The following ABI3BP variants were observed in gnomAD, a reference collection of about 807,000 sequenced individuals.
ABI3BP encodes target of Nesh-SH3.
In ABI3BP, 216 loss-of-function variants were observed where a neutral mutation model predicts 268.6. The ratio of observed to expected loss-of-function variants is 0.80; its 90% CI spans 0.72 to 0.90. ABI3BP has a LOEUF of 0.90. Among genes scored for constraint, ABI3BP ranks in the 40% least tolerant of loss-of-function variants. The probability of loss-of-function intolerance (pLI) is 0.00; values close to 1 mark genes in which losing one functional copy is unlikely to be tolerated. For missense variants in ABI3BP, 2,090 were observed against 2,182.4 expected (o/e 0.96, Z 0.84); for synonymous variants, 730 against 730.0 (o/e 1.00, Z 0.00).
chr3:100,763,282 G>T (rs1451455728), intron 63 of ABI3BP, among the ~76,000 whole-genome samples: 2 of 151,950 alleles, frequency 1.3e-5, no homozygotes, highest in African/African-American at 4.8e-5. Context: ...CCAACGTGGA[G>T]AAACCCCATC....
At chr3:100,787,684 A>ATAT (rs1224457161) in intron 57 of ABI3BP, 44 bp downstream of exon 57, 1 of 1,410,062 alleles carries the variant, frequency 7.1e-7, no homozygotes. Context: ...AATAACACTT[A>ATAT]TAGTTTTGAC....
chr3:100,790,491 T>G (rs1036939590), intron 55 of ABI3BP, among the ~76,000 whole-genome samples: 2 of 152,036 alleles, frequency 1.3e-5, no homozygotes, highest in Non-Finnish European at 2.9e-5. Flanking sequence ...ATGCCTTGCC[T>G]ACTAAGTTAA....
Position 100,860,960 on chromosome 3 carries a change from G to A in ABI3BP, c.1285+1351C>T, listed in dbSNP as rs187394910. On this transcript the variant is annotated intron_variant, in intron 14 of 67. Transcript: ENST00000471714. ...CTAGTTGTTGCATCATAATTACAAT[G>A]CAGCTGCACCTGGGTGATGGCTACT... Among the ~76,000 whole-genome samples the A allele has an allele frequency of 3.9e-5, 6 of 152,266 alleles. No individual in the cohort carries two copies. In the East Asian group the frequency reaches 1.2e-3, roughly 29 times the overall value.
rs2095227687 is a variant in ABI3BP, at chr3:100,749,878, A to T, written c.*617T>A. 1 of 395,638 alleles carries T rather than the reference A, an allele frequency of 2.5e-6. No homozygotes were observed. The highest frequency in any genetic ancestry group is 4.5e-6 in the Non-Finnish European group (1 of 224,612). 24.5% of individuals were successfully genotyped at this position (395,638 alleles called of 1,614,324 possible). A position where few individuals can be genotyped will look rare whatever the true frequency, so the allele number is the denominator to read the frequency against. ...GAAATTTACTGATTCAATCTTTTTA[A>T]GAATTTGTGGATGTTTAAAGGAAAT... On this transcript the variant is annotated 3_prime_UTR_variant, in exon 68 of 68. Transcript: ENST00000471714.
intron 58 of ABI3BP, chr3:100,778,596 G>GA (rs2150213552): frequency 1.9e-6 from 1 of 525,530 alleles, no homozygotes; most frequent in East Asian, 3.2e-5. Flanking sequence ...GTAGTATATA[G>GA]AAAACATGTC....
intron 50 of ABI3BP, among the ~76,000 whole-genome samples, 189 bp downstream of exon 50, chr3:100,807,972 A>G (rs2097760207): frequency 6.6e-6 from 1 of 152,022 alleles, no homozygotes; most frequent in East Asian, 1.9e-4. Flanking sequence ...TTGTGGAATA[A>G]GCTCTTCCAA....
chr3:100,871,804 C>A (rs780201514), intron 9 of ABI3BP, among the ~76,000 whole-genome samples: 1 of 152,090 alleles, frequency 6.6e-6, no homozygotes, highest in Non-Finnish European at 1.5e-5. Context: ...AAGAAATTCT[C>A]CATGTGTTAA....
chr3:100,843,742 C>T (rs2098736565), intron 20 of ABI3BP: 5 of 982,280 alleles, frequency 5.1e-6, no homozygotes, highest in Non-Finnish European at 6.0e-6. Context: ...ACATGAAATA[C>T]AATAAATATC....
intron 63 of ABI3BP, among the ~76,000 whole-genome samples, chr3:100,761,424 C>CCACCTTTGGAGCTGCACCCAGCTG (rs1370180305): frequency 6.6e-6 from 1 of 152,210 alleles, no homozygotes; most frequent in Non-Finnish European, 1.5e-5. Flanking sequence ...CCCCTTAAGG[C>CCACCTTTGGAGCTGCACCCAGCTG]CACCTTTGGA....
At chr3:100,983,873 T>C (rs1393098390) in intron 1 of ABI3BP, among the ~76,000 whole-genome samples, 3 of 152,218 alleles carry the variant, frequency 2.0e-5, no homozygotes, top group African/African-American at 7.2e-5. Context: ...ATTTTACACA[T>C]TTACTTATTT....
At chr3:100,786,667 G>A (rs922987279) in intron 57 of ABI3BP, among the ~76,000 whole-genome samples, 24 of 152,162 alleles carry the variant, frequency 1.6e-4, no homozygotes, top group Non-Finnish European at 3.4e-4. Flanking sequence ...AAGGATCTGA[G>A]AGAAGGTGGC....
intron 62 of ABI3BP, among the ~76,000 whole-genome samples, chr3:100,769,789 C>T (rs1314493403): frequency 6.6e-6 from 1 of 152,176 alleles, no homozygotes; most frequent in African/African-American, 2.4e-5. Flanking sequence ...GCAGTGGGTT[C>T]TTTCTCAAAA....
chr3:100,913,262 T>C (rs532844495), intron 2 of ABI3BP, among the ~76,000 whole-genome samples: 1 of 152,230 alleles, frequency 6.6e-6, no homozygotes, highest in South Asian at 2.1e-4. Flanking sequence ...GTAGTCCACA[T>C]CCACCCTGAA....
rs1439536293 is a variant in ABI3BP, at chr3:100,787,681, CTT to C, written c.4162+45_4162+46del. On this transcript the variant is annotated intron_variant, in intron 57 of 67. Transcript: ENST00000471714. The stretch of plus-strand genomic sequence containing the variant: ...GCAATATCATGAAAATTAAATAACA[CTT>C]ATAGTTTTGACAGGATAAAAAGGAA... The C allele has an allele frequency of 1.8e-5, 25 of 1,406,154 alleles. No individual in the cohort carries two copies. In the East Asian group the frequency reaches 6.0e-4, roughly 34 times the overall value. The allele number at this position is 1,406,154 out of a possible 1,614,324, so 87.1% of individuals were successfully genotyped here. A position where few individuals can be genotyped will look rare whatever the true frequency, so the allele number is the denominator to read the frequency against.
At chr3:100,922,956 C>T (rs945729559) in intron 2 of ABI3BP, among the ~76,000 whole-genome samples, 1 of 152,112 alleles carries the variant, frequency 6.6e-6, no homozygotes, top group African/African-American at 2.4e-5. Context: ...TAACATTTAA[C>T]TTGGAACAAA....
At chr3:100,903,104 T>C (rs2051280732) in intron 2 of ABI3BP, among the ~76,000 whole-genome samples, 1 of 152,208 alleles carries the variant, frequency 6.6e-6, no homozygotes, top group Admixed American at 6.5e-5. Context: ...GCCTCACCTG[T>C]ATGAGCTAAA....
chr3:100,786,411 T>C (rs1279785039), intron 57 of ABI3BP, among the ~76,000 whole-genome samples: 1 of 152,158 alleles, frequency 6.6e-6, no homozygotes, highest in African/African-American at 2.4e-5. Flanking sequence ...ACAAGTGGGC[T>C]TTGGAAGAAT....
At chr3:100,968,623 C>G (rs1406832992) in intron 1 of ABI3BP, among the ~76,000 whole-genome samples, 4 of 152,134 alleles carry the variant, frequency 2.6e-5, no homozygotes, top group Admixed American at 6.5e-5. Context: ...TTATTTGGGG[C>G]TCTCTTAAGT....
intron 1 of ABI3BP, among the ~76,000 whole-genome samples, chr3:100,956,984 T>C (rs79158114): frequency 1.3e-5 from 2 of 152,300 alleles, no homozygotes; most frequent in South Asian, 2.1e-4. Flanking sequence ...TGACGGAGTT[T>C]GGCTTTTATT....
Sources: gnomAD v4.1 joint callset for allele counts (sites outside exome capture counted in the v4.1 genomes callset) on GRCh38, gnomAD v4.1.1 for gene constraint, MANE v1.5 for transcripts, NCBI Gene and HGNC (gene_info 2026-07-23, HGNC 2026-07-21) for gene names.